The following STIM2 variants were observed in gnomAD, a reference collection of about 807,000 sequenced individuals.
STIM2 encodes stromal interaction molecule 2.
In STIM2, 31 loss-of-function variants were observed where a neutral mutation model predicts 85.8. The observed-to-expected ratio is 0.36, with a 90% CI of 0.27 to 0.49. The LOEUF is 0.49. STIM2 is among the 20% of genes least tolerant of loss of function. The probability of loss-of-function intolerance (pLI) is 0.98; values close to 1 mark genes in which losing one functional copy is unlikely to be tolerated. For synonymous variants in STIM2, 356 were observed against 331.1 expected (o/e 1.08, Z -0.82); for missense variants, 841 against 927.6 (o/e 0.91, Z 1.21).
intron 3 of STIM2, among the ~76,000 whole-genome samples, chr4:26,980,830 T>C (rs1727358564): frequency 6.6e-6 from 1 of 152,142 alleles, no homozygotes; most frequent in Non-Finnish European, 1.5e-5. Flanking sequence ...GCTTTATTAA[T>C]TTTTTTGCTA....
chr4:27,009,619 T>G (rs1314384162), intron 10 of STIM2, among the ~76,000 whole-genome samples: 1 of 152,112 alleles, frequency 6.6e-6, no homozygotes, highest in African/African-American at 2.4e-5. Flanking sequence ...GCAAGGAGAG[T>G]GAGGCGGCAC....
At chr4:26,971,927 T>A (rs1322481258) in intron 3 of STIM2, among the ~76,000 whole-genome samples, 1 of 152,196 alleles carries the variant, frequency 6.6e-6, no homozygotes, top group Non-Finnish European at 1.5e-5. Context: ...GAGCAGTGAT[T>A]TGTAGTTCTC....
chr4:26,952,746 A>T (rs1309598486), intron 2 of STIM2, among the ~76,000 whole-genome samples: 1 of 152,164 alleles, frequency 6.6e-6, no homozygotes, highest in African/African-American at 2.4e-5. Context: ...TTAACATGTT[A>T]TCACATCTAA....
chr4:26,905,919 T>C (rs143653133), intron 1 of STIM2, among the ~76,000 whole-genome samples: 60 of 152,278 alleles, frequency 3.9e-4, no homozygotes, highest in African/African-American at 1.4e-3. Flanking sequence ...ATTTAACTGT[T>C]AATAACTGGT....
intron 2 of STIM2, among the ~76,000 whole-genome samples, chr4:26,950,773 G>T (rs982268269): frequency 1.3e-5 from 2 of 152,178 alleles, no homozygotes; most frequent in Non-Finnish European, 2.9e-5. Flanking sequence ...CTCCTTTCAT[G>T]TGACCCTATG....
intron 10 of STIM2, among the ~76,000 whole-genome samples, chr4:27,009,817 A>C (rs1178527446): frequency 2.0e-5 from 3 of 152,228 alleles, no homozygotes; most frequent in Non-Finnish European, 4.4e-5. Flanking sequence ...AATTATATGC[A>C]CTTAAGCTTG....
chr4:26,966,945 T>G (rs1049078023), intron 3 of STIM2, among the ~76,000 whole-genome samples: 1 of 152,216 alleles, frequency 6.6e-6, no homozygotes, highest in African/African-American at 2.4e-5. Context: ...CAGTAAGCAT[T>G]CTTCTAACCC....
chr4:26,890,960 C>T (rs1310891820), intron 1 of STIM2, among the ~76,000 whole-genome samples: 2 of 152,190 alleles, frequency 1.3e-5, no homozygotes, highest in Non-Finnish European at 2.9e-5. Context: ...CTCTATCTGC[C>T]TCTGAAACTT....
At chr4:26,907,253 A>G (rs988593948) in intron 1 of STIM2, among the ~76,000 whole-genome samples, 1 of 152,148 alleles carries the variant, frequency 6.6e-6, no homozygotes, top group African/African-American at 2.4e-5. Flanking sequence ...GTTGAAGTAA[A>G]CACTTAGAAC....
chr4:27,007,100 T>A (rs1449540432), intron 7 of STIM2, among the ~76,000 whole-genome samples: 1 of 152,246 alleles, frequency 6.6e-6, no homozygotes, highest in Non-Finnish European at 1.5e-5. Flanking sequence ...TTTGGACATT[T>A]CTTTATATAA....
intron 7 of STIM2, 92 bp from the exon 8 acceptor site, chr4:27,007,441 T>C: frequency 5.5e-6 from 1 of 182,258 alleles, no homozygotes; most frequent in Non-Finnish European, 1.0e-5. Context: ...TTAAAATAGC[T>C]TTTTTTTTTT....
intron 2 of STIM2, among the ~76,000 whole-genome samples, chr4:26,950,426 G>A (rs1267423913): frequency 6.6e-6 from 1 of 152,150 alleles, no homozygotes; most frequent in Non-Finnish European, 1.5e-5. Context: ...GCTTGAATGT[G>A]TTCCCCAAAA....
chr4:26,921,654 C>G (rs943549190), intron 2 of STIM2, among the ~76,000 whole-genome samples: 1 of 152,202 alleles, frequency 6.6e-6, no homozygotes, highest in Non-Finnish European at 1.5e-5. Context: ...CTTTTTCTTC[C>G]TTTCCCCACT....
At chr4:26,899,185 C>G (rs981908812) in intron 1 of STIM2, among the ~76,000 whole-genome samples, 3 of 151,940 alleles carry the variant, frequency 2.0e-5, no homozygotes, top group African/African-American at 4.8e-5. Flanking sequence ...CGTCTATTCC[C>G]ATGATTACAT....
chr4:26,885,848 T>TAC (rs1223748357), intron 1 of STIM2, among the ~76,000 whole-genome samples: 9 of 44,130 alleles, frequency 2.0e-4, no homozygotes, highest in East Asian at 9.5e-4. Flanking sequence ...TATATATATA[T>TAC]ATATATATAT....
intron 1 of STIM2, among the ~76,000 whole-genome samples, chr4:26,918,393 G>A (rs956280563): frequency 2.0e-5 from 3 of 151,764 alleles, no homozygotes; most frequent in Non-Finnish European, 2.9e-5. Context: ...TTAGGGATGA[G>A]GCAACTAAGA....
intron 3 of STIM2, among the ~76,000 whole-genome samples, chr4:26,988,469 G>T (rs1201055601): frequency 6.6e-6 from 1 of 152,152 alleles, no homozygotes; most frequent in East Asian, 1.9e-4. Flanking sequence ...TGTACAGAAA[G>T]CTCCAAGTAT....
chr4:26,910,492 C>A lies in STIM2; in HGVS notation c.152-9012C>A, dbSNP rs529531388. Among the ~76,000 whole-genome samples, 6 of 151,886 alleles carry A rather than the reference C, an allele frequency of 4.0e-5. No homozygotes were observed. The South Asian group carries it at 1.2e-3, about 32-fold the overall frequency. On this transcript the variant is annotated intron_variant, in intron 1 of 11. Coordinates refer to ENST00000467087, the MANE Select transcript of STIM2 (RefSeq NM_020860.4). ...TGAGCTGAGATCATGCCACTGCACT[C>A]CAGCCTGGGTGATGGAGTGAGACTG...
intron 3 of STIM2, among the ~76,000 whole-genome samples, chr4:26,981,002 T>C (rs987550582): frequency 3.3e-5 from 5 of 152,168 alleles, no homozygotes; most frequent in African/African-American, 1.2e-4. Context: ...ACAAGTAAAC[T>C]TAGGTATTCT....
Sources: gnomAD v4.1 joint callset for allele counts (sites outside exome capture counted in the v4.1 genomes callset) on GRCh38, gnomAD v4.1.1 for gene constraint, MANE v1.5 for transcripts, NCBI Gene and HGNC (gene_info 2026-07-23, HGNC 2026-07-21) for gene names.